FBXO42: variants seen among roughly 807,000 people sequenced by gnomAD.
FBXO42 encodes the protein F-box only protein 42.
Under a neutral mutation model 71.7 loss-of-function variants are expected in FBXO42, and 12 were observed. The ratio of observed to expected loss-of-function variants is 0.17; its 90% CI spans 0.11 to 0.27. The LOEUF (loss-of-function observed/expected upper bound fraction) is 0.27, where lower values mean the gene tolerates loss of function less well. Among genes scored for constraint, FBXO42 ranks in the 10% least tolerant of loss-of-function variants. The probability of loss-of-function intolerance (pLI) is 1.00; values close to 1 mark genes in which losing one functional copy is unlikely to be tolerated. For synonymous variants in FBXO42, 325 were observed against 327.5 expected (o/e 0.99, Z 0.08); for missense variants, 707 against 911.9 (o/e 0.78, Z 2.89).
At chr1:16,282,089 T>A (rs947421780) in intron 4 of FBXO42, among the ~76,000 whole-genome samples, 1 of 152,032 alleles carries the variant, frequency 6.6e-6, no homozygotes, top group African/African-American at 2.4e-5. Context: ...GTTTAGCACA[T>A]CACATACTCA....
At chr1:16,341,161 G>C (rs1443895033) in intron 1 of FBXO42, among the ~76,000 whole-genome samples, 1 of 152,036 alleles carries the variant, frequency 6.6e-6, no homozygotes, top group Non-Finnish European at 1.5e-5. Context: ...TTTTGCATAA[G>C]AGAAAAAAAG....
At chr1:16,332,081 A>T (rs542177294) in intron 1 of FBXO42, among the ~76,000 whole-genome samples, 1 of 152,084 alleles carries the variant, frequency 6.6e-6, no homozygotes, top group Non-Finnish European at 1.5e-5. Context: ...AAAGTATATG[A>T]TATCAGTTGC....
At chr1:16,308,648 A>C (rs938575809) in intron 2 of FBXO42, among the ~76,000 whole-genome samples, 5 of 150,932 alleles carry the variant, frequency 3.3e-5, no homozygotes, top group African/African-American at 1.2e-4. Context: ...ACAGGCACAC[A>C]CCACTGCACT....
intron 4 of FBXO42, among the ~76,000 whole-genome samples, chr1:16,286,419 G>A (rs2082023096): frequency 6.6e-6 from 1 of 152,164 alleles, no homozygotes; most frequent in Non-Finnish European, 1.5e-5. Flanking sequence ...CGGAATGAGT[G>A]CAAGCAGGGG....
chr1:16,349,127 A>C (rs1235309566), intron 1 of FBXO42, among the ~76,000 whole-genome samples: 6 of 139,436 alleles, frequency 4.3e-5, no homozygotes, highest in Admixed American at 1.4e-4. Flanking sequence ...GAATGAATAA[A>C]AGGGGAAAAG....
At chr1:16,334,194 G>A (rs886170390) in intron 1 of FBXO42, among the ~76,000 whole-genome samples, 2 of 152,114 alleles carry the variant, frequency 1.3e-5, no homozygotes, top group African/African-American at 4.8e-5. Context: ...AGCACTTTGG[G>A]AGGCCAAGGC....
intron 3 of FBXO42, among the ~76,000 whole-genome samples, chr1:16,304,948 AACAGAGACTCTG>A (rs1350347131): frequency 1.3e-5 from 2 of 152,158 alleles, no homozygotes; most frequent in Non-Finnish European, 2.9e-5. Flanking sequence ...CACCCTGGGC[AACAGAGACTCTG>A]TCTCAAAAAA....
Position 16,335,334 on chromosome 1 carries a change from C to T in FBXO42, c.-18+16921G>A, listed in dbSNP as rs141151923. Among the ~76,000 whole-genome samples, 421 of 152,106 alleles carry T rather than the reference C, an allele frequency of 2.8e-3. 3 individuals carry two copies. Among genetic ancestry groups the T allele is most frequent in the African/African-American group, 9.7e-3 (404 of 41,518 alleles). ...TTTTTATTTTGTAGAGCCAGGATTT[C>T]GCCACATCGCCCAGGCTGGTCTCAA... On this transcript the variant is annotated intron_variant, in intron 1 of 9. Transcript: ENST00000375592.
At chr1:16,347,592 C>T (rs991869128) in intron 1 of FBXO42, among the ~76,000 whole-genome samples, 2 of 151,284 alleles carry the variant, frequency 1.3e-5, no homozygotes, top group African/African-American at 4.9e-5. Flanking sequence ...CTGTGGCTCA[C>T]GCCTGTAATC....
chr1:16,352,405 G>A lies in FBXO42; in HGVS notation c.-168C>T, dbSNP rs2082711464. On this transcript the variant is annotated 5_prime_UTR_variant, in exon 1 of 10. Coordinates refer to ENST00000375592, the MANE Select transcript of FBXO42 (RefSeq NM_018994.3). The stretch of plus-strand genomic sequence containing the variant: ...AGCTGGCGGGACCCCGAGCCGCCCG[G>A]AGCCGCCATCTTCCTCCACTCAAAC... 2 of 399,790 alleles carry A rather than the reference G, an allele frequency of 5.0e-6. No homozygotes were observed. Among genetic ancestry groups the A allele is most frequent in the Non-Finnish European group, 8.8e-6 (2 of 227,174 alleles). 24.8% of individuals were successfully genotyped at this position (399,790 alleles called of 1,614,324 possible).
chr1:16,290,759 T>C (rs1052345419), intron 4 of FBXO42, among the ~76,000 whole-genome samples: 3 of 152,050 alleles, frequency 2.0e-5, no homozygotes, highest in African/African-American at 4.8e-5. Flanking sequence ...GGTGGCAGTC[T>C]GCAAACCAGG....
At position 16,250,952 on chromosome 1, in the gene FBXO42, G is replaced by T; in HGVS notation, c.1872C>A (p.His624Gln). The change falls in exon 10 of 10, where the codon CAC (histidine) becomes CAA (glutamine). Residue 624 changes from histidine to glutamine, a missense_variant. Coordinates refer to ENST00000375592, the MANE Select transcript of FBXO42 (RefSeq NM_018994.3). This position sits in a 1 kb window ranked among gnomAD's most constrained non-coding sequence, Gnocchi z 4.7. ...LPPIARRLGH[H>Q]PPQSLNVGKP... ...TGCCAACATTTAGGGACTGTGGAGG[G>T]TGGTGGCCCAGGCGGCGAGCAATGG... 6.2e-7 allele frequency: 1 copy of T among 1,614,210 alleles called. No individual in the cohort carries two copies. The highest frequency in any genetic ancestry group is 8.5e-7 in the Non-Finnish European group (1 of 1,180,036).
In FBXO42 at chr1:16,256,536, A is replaced by AC. The variant is rs2081647314; in HGVS notation, c.656+69_656+70insG. On this transcript the variant is annotated intron_variant, in intron 5 of 9. Transcript: ENST00000375592. The stretch of plus-strand genomic sequence containing the variant: ...TAATTCTCAAAGGGACTCTTGACAC[A>AC]AAAAAACAAAGAATCCACTGATTTA... 6 of 1,470,522 alleles carry AC rather than the reference A, an allele frequency of 4.1e-6. No individual in the cohort carries two copies. In the East Asian group the frequency reaches 1.2e-4, roughly 29 times the overall value. 91.1% of individuals were successfully genotyped at this position (1,470,522 alleles called of 1,614,324 possible). A position where few individuals can be genotyped will look rare whatever the true frequency, so the allele number is the denominator to read the frequency against.
At chr1:16,268,126 T>TG (rs966815954) in intron 4 of FBXO42, among the ~76,000 whole-genome samples, 2 of 132,920 alleles carry the variant, frequency 1.5e-5, no homozygotes, top group Non-Finnish European at 1.6e-5. Context: ...CTAATGGGGG[T>TG]GGGGGGCATA....
intron 4 of FBXO42, among the ~76,000 whole-genome samples, chr1:16,283,906 T>G (rs1475230373): frequency 6.6e-6 from 1 of 152,192 alleles, no homozygotes; most frequent in Non-Finnish European, 1.5e-5. Flanking sequence ...ATGTAAAATT[T>G]CTACTTGAAA....
At chr1:16,266,190 A>G (rs2100461349) in intron 4 of FBXO42, among the ~76,000 whole-genome samples, 1 of 150,876 alleles carries the variant, frequency 6.6e-6, no homozygotes, top group Non-Finnish European at 1.5e-5. Context: ...GTTTTTTTTA[A>G]AAAAAATAGA....
At chr1:16,349,523 G>A (rs770422021) in intron 1 of FBXO42, among the ~76,000 whole-genome samples, 7 of 152,270 alleles carry the variant, frequency 4.6e-5, no homozygotes, top group Admixed American at 2.0e-4. Flanking sequence ...ATTAACAATC[G>A]TGGGAAGGGC....
At position 16,253,660 on chromosome 1, in the gene FBXO42, G is replaced by A. The variant is rs1443947965; in HGVS notation, c.839C>T (p.Pro280Leu). ...CTGAGATTGGCCACCTCGAGGATGA[G>A]GACTGGGGCCAGAGATGTTCGGCTT... is the stretch of plus-strand genomic sequence containing the variant. ...WSKPNISGPS[P>L]HPRGGQSQIV... is the part of the protein sequence containing the mutation. The change falls in exon 7 of 10, where the codon CCT (proline) becomes CTT (leucine). Residue 280 changes from proline to leucine, a missense_variant. Physicochemically the swap from Pro to Leu is moderately conservative, Grantham distance 98. This residue lies in a region of FBXO42 where 482 missense variants were observed against 587.1 expected (regional missense o/e 0.82). Transcript: ENST00000375592. The A allele has an allele frequency of 6.2e-7, 1 of 1,614,212 alleles. No individual in the cohort carries two copies. Among genetic ancestry groups the A allele is most frequent in the Admixed American group, 1.7e-5 (1 of 60,028 alleles).
intron 1 of FBXO42, among the ~76,000 whole-genome samples, chr1:16,326,044 G>GTGTGTGTGTGTC (rs1406695935): frequency 6.7e-6 from 1 of 150,088 alleles, no homozygotes. Flanking sequence ...GTGTGTGTGT[G>GTGTGTGTGTGTC]TGTGTCTGTG....
Sources: gnomAD v4.1 joint callset for allele counts (sites outside exome capture counted in the v4.1 genomes callset) on GRCh38, gnomAD v4.1.1 for gene constraint, gnomAD v4.1.1 regional missense constraint, Gnocchi (gnomAD v3.1) non-coding constraint, MANE v1.5 for transcripts, NCBI Gene and HGNC (gene_info 2026-07-23, HGNC 2026-07-21) for gene names.